Variants in FBXO39 observed in about 807,000 individuals in gnomAD.
FBXO39 encodes the protein F-box only protein 39.
FBXO39 carries 22 observed loss-of-function variants against 36.6 expected under a neutral mutation model. The observed-to-expected ratio is 0.60, with a 90% CI of 0.43 to 0.86. The LOEUF is 0.86. Among genes scored for constraint, FBXO39 ranks in the 40% least tolerant of loss-of-function variants. FBXO39 has a pLI of 0.00. For synonymous variants in FBXO39, 206 were observed against 205.8 expected (o/e 1.00, Z -0.01); for missense variants, 536 against 543.9 (o/e 0.99, Z 0.14).
At chr17:6,784,240 A>C (rs1284048191) in intron 2 of FBXO39, among the ~76,000 whole-genome samples, 3 of 152,114 alleles carry the variant, frequency 2.0e-5, no homozygotes, top group African/African-American at 7.2e-5. Flanking sequence ...CTCTCAAAAA[A>C]CTGGGTATAG....
intron 1 of FBXO39, among the ~76,000 whole-genome samples, chr17:6,778,910 C>T (rs570592266): frequency 6.6e-6 from 1 of 152,274 alleles, no homozygotes; most frequent in African/African-American, 2.4e-5. Context: ...CCCATTCCCA[C>T]CACAATGCCT....
At chr17:6,779,034 G>T (rs775916276) in intron 1 of FBXO39, among the ~76,000 whole-genome samples, 7 of 152,072 alleles carry the variant, frequency 4.6e-5, no homozygotes, top group Non-Finnish European at 1.0e-4. Context: ...GGCTCTCTGT[G>T]ACCTCAGCTG....
intron 2 of FBXO39, 133 bp downstream of exon 2, chr17:6,781,024 C>T: frequency 2.1e-6 from 2 of 952,034 alleles, no homozygotes; most frequent in South Asian, 1.7e-5. Flanking sequence ...GGAAATACCA[C>T]CAACTAAGCC....
intron 2 of FBXO39, among the ~76,000 whole-genome samples, chr17:6,783,823 A>C (rs1976535825): frequency 6.6e-6 from 1 of 152,092 alleles, no homozygotes; most frequent in South Asian, 2.1e-4. Flanking sequence ...TATCAATTTT[A>C]TCAAACATTT....
intron 1 of FBXO39, among the ~76,000 whole-genome samples, chr17:6,776,632 T>G (rs1976417365): frequency 6.6e-6 from 1 of 152,208 alleles, no homozygotes; most frequent in African/African-American, 2.4e-5. Context: ...TGTGTTTGTA[T>G]TCCTATCTTC....
In FBXO39 at chr17:6,787,497, C is replaced by T. The variant is rs1408889759; in HGVS notation, c.*69C>T. 1.3e-6 allele frequency: 2 copies of T among 1,585,952 alleles called. No individual in the cohort carries two copies. Among genetic ancestry groups the T allele is most frequent in the Non-Finnish European group, 1.7e-6 (2 of 1,162,750 alleles). On this transcript the variant is annotated 3_prime_UTR_variant, in exon 4 of 4. Transcript: ENST00000321535. Reference sequence around the variant, plus strand: ...GAAAATCATTTCTCTTAGAACTACACTTGGGCACTGCCGGCCCTTTTGCTC... The same window carrying T: ...GAAAATCATTTCTCTTAGAACTACATTTGGGCACTGCCGGCCCTTTTGCTC...
At chr17:6,781,195 C>T (rs11867823) in intron 2 of FBXO39, among the ~76,000 whole-genome samples, 5,600 of 152,254 alleles carry the variant, frequency 0.037, 127 homozygotes, top group Middle Eastern at 0.12. Context: ...GCCTTGCAGG[C>T]GAATAGCGGC....
chr17:6,784,141 C>T (rs944498548), intron 2 of FBXO39, among the ~76,000 whole-genome samples: 5 of 151,998 alleles, frequency 3.3e-5, no homozygotes, highest in African/African-American at 1.2e-4. Context: ...CACCTCATAA[C>T]AACAGAATGA....
Position 6,780,875 on chromosome 17 carries a change from T to A in FBXO39, c.1007T>A (p.Phe336Tyr). ...ACTCTGATAGATCTCCTGCCCACCT[T>A]CCGGCACACTCTGCAGGTAGGTAGG... ...RPTLIDLLPTFRHTLQKLTCE... is the reference protein window; with the variant it reads ...RPTLIDLLPTYRHTLQKLTCE... Residue 336 changes from phenylalanine to tyrosine, a missense_variant, in exon 2 of 4, where the codon TTC (phenylalanine) becomes TAC (tyrosine). By Grantham distance (22) the Phe-to-Tyr change is conservative. Coordinates refer to ENST00000321535, the MANE Select transcript of FBXO39 (RefSeq NM_153230.3). The A allele has an allele frequency of 1.2e-6, 2 of 1,611,680 alleles. No homozygotes were observed. Among genetic ancestry groups the A allele is most frequent in the Non-Finnish European group, 1.7e-6 (2 of 1,179,712 alleles).
intron 3 of FBXO39, 92 bp from the exon 4 acceptor site, chr17:6,787,208 G>C (rs79546977): frequency 6.7e-7 from 1 of 1,496,178 alleles, no homozygotes; most frequent in Admixed American, 2.0e-5. Flanking sequence ...GTCAAGCCCT[G>C]AAAAGTGTAG....
intron 2 of FBXO39, among the ~76,000 whole-genome samples, chr17:6,786,451 C>A (rs1439161977): frequency 6.6e-6 from 1 of 151,800 alleles, no homozygotes; most frequent in African/African-American, 2.4e-5. Context: ...GACAGGGTGT[C>A]TATAGTCAAT....
intron 2 of FBXO39, 68 bp downstream of exon 2, chr17:6,780,959 T>C: frequency 2.0e-6 from 3 of 1,482,964 alleles, no homozygotes; most frequent in Non-Finnish European, 2.7e-6. Context: ...AGCCCACTGC[T>C]GCCTGCTCTT....
Position 6,787,302 on chromosome 17 carries a change from G to T in FBXO39, c.1203G>T (p.Ala401=). The change falls in exon 4 of 4, where the codon GCG becomes GCT. Residue 401 remains alanine (A), a splice_region_variant and synonymous_variant. Coordinates refer to ENST00000321535, the MANE Select transcript of FBXO39 (RefSeq NM_153230.3). ...GATGTATTTCTCTGTTGGCACAGGC[G>T]AGAATTTATACAAACAGATATGAGA... is the stretch of plus-strand genomic sequence containing the variant. ...ERQCALRVFK[A]RIYTNRYETN... 6.2e-7 allele frequency: 1 copy of T among 1,613,640 alleles called. No homozygotes were observed. Among genetic ancestry groups the T allele is most frequent in the South Asian group, 1.1e-5 (1 of 91,038 alleles).
At chr17:6,778,271 G>A (rs997790272) in intron 1 of FBXO39, among the ~76,000 whole-genome samples, 4 of 152,192 alleles carry the variant, frequency 2.6e-5, no homozygotes, top group Admixed American at 2.6e-4. Context: ...CTATGGTGGG[G>A]GCAACGGAAT....
intron 3 of FBXO39, 131 bp from the exon 4 acceptor site, chr17:6,787,169 A>C: frequency 7.1e-7 from 1 of 1,416,100 alleles, no homozygotes; most frequent in Non-Finnish European, 9.4e-7. Flanking sequence ...CTGATTCAAC[A>C]ACTGTATGTG....
intron 1 of FBXO39, among the ~76,000 whole-genome samples, chr17:6,777,953 G>A (rs896399031): frequency 6.6e-6 from 1 of 152,292 alleles, no homozygotes; most frequent in Non-Finnish European, 1.5e-5. Context: ...AGTGGGTGGT[G>A]AGAGAAAGTG....
Position 6,786,763 on chromosome 17 carries a change from T to C in FBXO39, c.1024-17T>C. 2 of 1,586,370 alleles carry C rather than the reference T, an allele frequency of 1.3e-6. No individual in the cohort carries two copies. The highest frequency in any genetic ancestry group is 1.7e-6 in the Non-Finnish European group (2 of 1,166,310). On this transcript the variant is annotated splice_polypyrimidine_tract_variant and intron_variant, in intron 2 of 3. Transcript: ENST00000321535. Reference sequence around the variant, plus strand: ...CATCTCTGCCCACACACATCTTCCCTTTTGGTGCTCTTCCAGAAATTAACT... The same window carrying C: ...CATCTCTGCCCACACACATCTTCCCCTTTGGTGCTCTTCCAGAAATTAACT...
At chr17:6,785,413 C>T (rs1199017128) in intron 2 of FBXO39, among the ~76,000 whole-genome samples, 1 of 152,162 alleles carries the variant, frequency 6.6e-6, no homozygotes, top group African/African-American at 2.4e-5. Context: ...ATTGGGGAAA[C>T]TCTCCAGGGC....
At position 6,780,405 on chromosome 17, in the gene FBXO39, C is replaced by A; in HGVS notation, c.537C>A (p.Gly179=). 6.2e-7 allele frequency: 1 copy of A among 1,614,106 alleles called. No homozygotes were observed. Among genetic ancestry groups the A allele is most frequent in the Non-Finnish European group, 8.5e-7 (1 of 1,180,014 alleles). The part of the protein sequence containing the change: ...LKGARLTVEQ[G]CQILDSLSYM... ...GGGCCAGGCTGACCGTGGAGCAAGG[C>A]TGCCAAATTCTCGACTCCCTCAGCT... The change falls in exon 2 of 4, where the codon GGC becomes GGA. Residue 179 remains glycine (G), a synonymous_variant. Coordinates refer to ENST00000321535, the MANE Select transcript of FBXO39 (RefSeq NM_153230.3).
Sources: allele counts gnomAD v4.1 joint callset (sites outside exome capture counted in the v4.1 genomes callset), GRCh38; gene constraint gnomAD v4.1.1; transcripts MANE v1.5; gene names NCBI Gene and HGNC (gene_info 2026-07-23, HGNC 2026-07-21).